Variants in CNST observed in about 807,000 individuals in gnomAD.
CNST encodes consortin.
CNST carries 39 observed loss-of-function variants against 72.4 expected under a neutral mutation model. The observed-to-expected ratio is 0.54, with a 90% confidence interval of 0.42 to 0.70. The LOEUF is 0.70. Among genes scored for constraint, CNST ranks in the 30% least tolerant of loss-of-function variants. The pLI, the probability that CNST is intolerant of heterozygous loss-of-function variation, is 0.00. For missense variants in CNST, 871 were observed against 868.5 expected, an observed-to-expected ratio of 1.00 and a Z score of -0.04; for synonymous variants, 332 against 320.1, an observed-to-expected ratio of 1.04 and a Z score of -0.40.
intron 1 of CNST, among the ~76,000 whole-genome samples, chr1:246,584,785 C>T (rs182431965): frequency 2.2e-4 from 33 of 152,246 alleles, no homozygotes; most frequent in African/African-American, 7.9e-4. Flanking sequence ...CTCCTTGCTC[C>T]CAACATACCA....
chr1:246,640,977 C>A (rs1423706297), intron 6 of CNST, among the ~76,000 whole-genome samples: 1 of 152,178 alleles, frequency 6.6e-6, no homozygotes, highest in Non-Finnish European at 1.5e-5. Context: ...ATGCACCTGC[C>A]AACTTCGTAC....
chr1:246,624,734 T>G (rs1353925446), intron 3 of CNST, among the ~76,000 whole-genome samples: 2 of 152,250 alleles, frequency 1.3e-5, no homozygotes, highest in Non-Finnish European at 2.9e-5. Context: ...ATATTTCACC[T>G]AGATTTGCCA....
intron 3 of CNST, among the ~76,000 whole-genome samples, chr1:246,630,650 A>G (rs1195412473): frequency 6.6e-6 from 1 of 152,178 alleles, no homozygotes; most frequent in Admixed American, 6.5e-5. Context: ...TACTCTTTGC[A>G]TCGTCAATTT....
At chr1:246,626,712 C>T (rs1664462731) in intron 3 of CNST, among the ~76,000 whole-genome samples, 1 of 152,078 alleles carries the variant, frequency 6.6e-6, no homozygotes, top group Non-Finnish European at 1.5e-5. Flanking sequence ...CCGCCTCAGC[C>T]TCCCAAAGTG....
In CNST at chr1:246,591,889, T is replaced by G. The variant is rs779800796; in HGVS notation, c.327T>G (p.Pro109=). ...TCTTGGGAAAGGACAAAAAAATTCC[T>G]GGAAAAAGAAGTCCAAGAAGCAAAA... ...QAFLGKDKKI[P]GKRSPRSKKG... is the part of the protein sequence containing the mutation. The change falls in exon 2 of 11, where the codon CCT becomes CCG. Residue 109 remains proline, a synonymous_variant. Transcript: ENST00000366513. 3.7e-6 allele frequency: 6 copies of G among 1,613,936 alleles called. No homozygotes were observed. The highest frequency in any genetic ancestry group is 5.1e-6 in the Non-Finnish European group (6 of 1,179,974).
Position 246,666,112 on chromosome 1 carries a change from A to T in CNST, c.*207A>T. On this transcript the variant is annotated 3_prime_UTR_variant, in exon 11 of 11. Transcript: ENST00000366513. ...GCAAATATCAATCTAAGCATTGTGGATGGAAGGAATGGTCTTTGGAGAGAG... is the reference window on the plus strand; with the variant it reads ...GCAAATATCAATCTAAGCATTGTGGTTGGAAGGAATGGTCTTTGGAGAGAG... The T allele has an allele frequency of 5.4e-6, 3 of 551,348 alleles. No individual in the cohort carries two copies. The highest frequency in any genetic ancestry group is 9.7e-6 in the Non-Finnish European group (3 of 308,430). The allele number at this position is 551,348 out of a possible 1,614,324, so 34.2% of individuals were successfully genotyped here.
intron 3 of CNST, among the ~76,000 whole-genome samples, chr1:246,622,933 C>T (rs1291640598): frequency 6.6e-6 from 1 of 152,146 alleles, no homozygotes; most frequent in Non-Finnish European, 1.5e-5. Context: ...AAGCCATTCT[C>T]CTGCCTTAGC....
chr1:246,636,004 T>C (rs1048363788), intron 6 of CNST, among the ~76,000 whole-genome samples: 15 of 152,216 alleles, frequency 9.9e-5, no homozygotes, highest in Non-Finnish European at 2.1e-4. Flanking sequence ...GGGTTCCCCA[T>C]ATCCAAAGGA....
In CNST at chr1:246,648,162, C is replaced by T. The variant is rs879491693; in HGVS notation, c.1836+125C>T. ...AAACATGAGGGAAAATTCTAGTTAA[C>T]GTAAGCTTTTAATTATTAGTAGTTT... is the stretch of plus-strand genomic sequence containing the variant. On this transcript the variant is annotated intron_variant, in intron 9 of 10. Coordinates refer to ENST00000366513, the MANE Select transcript of CNST (RefSeq NM_152609.3). The T allele has an allele frequency of 2.3e-5, 33 of 1,438,332 alleles. No homozygotes were observed. The East Asian group carries it at 2.8e-4, about 12-fold the overall frequency. 89.1% of individuals were successfully genotyped at this position (1,438,332 alleles called of 1,614,324 possible).
chr1:246,569,715 A>C (rs1659948834), intron 1 of CNST, among the ~76,000 whole-genome samples: 1 of 152,204 alleles, frequency 6.6e-6, no homozygotes, highest in South Asian at 2.1e-4. Context: ...AGGCGTAGCC[A>C]CCATGCCCAG....
chr1:246,647,488 A>G lies in CNST; in HGVS notation c.1287A>G (p.Ser429=). ...EDPKVFLSSK[S]KTEPLISPGC... The stretch of plus-strand genomic sequence containing the variant: ...CTAAGGTGTTTCTTTCCAGCAAGTC[A>G]AAGACAGAGCCGTTGATTTCACCAG... Residue 429 remains serine (S), a synonymous_variant, in exon 9 of 11, where the codon TCA becomes TCG. Transcript: ENST00000366513. The G allele has an allele frequency of 1.1e-5, 17 of 1,614,228 alleles. No homozygotes were observed. Among genetic ancestry groups the G allele is most frequent in the Non-Finnish European group, 1.4e-5 (17 of 1,180,044 alleles).
At chr1:246,606,624 T>C (rs1410550087) in intron 2 of CNST, 1 of 151,250 alleles carries the variant, frequency 6.6e-6, no homozygotes, top group Non-Finnish European at 1.5e-5. Context: ...TTAGGATATA[T>C]GTGGGAGTGC....
chr1:246,608,944 G>A (rs965142993), intron 2 of CNST, among the ~76,000 whole-genome samples: 4 of 152,212 alleles, frequency 2.6e-5, no homozygotes, highest in African/African-American at 9.7e-5. Flanking sequence ...TTTGCCATTA[G>A]TTTACAAGAA....
At chr1:246,585,478 A>G (rs1249153158) in intron 1 of CNST, among the ~76,000 whole-genome samples, 2 of 151,340 alleles carry the variant, frequency 1.3e-5, no homozygotes, top group African/African-American at 2.4e-5. Flanking sequence ...GAAACCCTGC[A>G]TGTACTAAAA....
chr1:246,582,679 T>C (rs1461721070), intron 1 of CNST, among the ~76,000 whole-genome samples: 1 of 152,232 alleles, frequency 6.6e-6, no homozygotes, highest in African/African-American at 2.4e-5. Context: ...CGTCACTACT[T>C]TACTTCAGCA....
chr1:246,620,751 G>C (rs1037250853), intron 2 of CNST, among the ~76,000 whole-genome samples: 4 of 145,630 alleles, frequency 2.7e-5, no homozygotes, highest in Non-Finnish European at 6.0e-5. Flanking sequence ...CTACAGGGAG[G>C]ACAGCTTCAG....
chr1:246,636,638 C>G (rs1022174361), intron 6 of CNST, among the ~76,000 whole-genome samples: 1 of 152,196 alleles, frequency 6.6e-6, no homozygotes, highest in Non-Finnish European at 1.5e-5. Flanking sequence ...CTCTTTCTGT[C>G]TTCGAGCACT....
chr1:246,610,561 T>C (rs1167744063), intron 2 of CNST, among the ~76,000 whole-genome samples: 1 of 152,156 alleles, frequency 6.6e-6, no homozygotes, highest in African/African-American at 2.4e-5. Flanking sequence ...AAACCGGACA[T>C]TGGTGTATTA....
At chr1:246,659,277 T>G (rs1201016508) in intron 9 of CNST, among the ~76,000 whole-genome samples, 1 of 152,176 alleles carries the variant, frequency 6.6e-6, no homozygotes, top group Non-Finnish European at 1.5e-5. Flanking sequence ...GGCCATAGTT[T>G]GCCAACCTCT....
Sources: gnomAD v4.1 joint callset for allele counts (sites outside exome capture counted in the v4.1 genomes callset) on GRCh38, gnomAD v4.1.1 for gene constraint, MANE v1.5 for transcripts, NCBI Gene and HGNC (gene_info 2026-07-23, HGNC 2026-07-21) for gene names.